The following ARIH2 variants were observed in gnomAD, a reference collection of about 807,000 sequenced individuals.
ARIH2 encodes ariadne RBR E3 ubiquitin protein ligase 2.
Under a neutral mutation model 79.8 loss-of-function variants are expected in ARIH2, and 12 were observed. The observed-to-expected ratio is 0.15, with a 90% CI of 0.10 to 0.24. The LOEUF (loss-of-function observed/expected upper bound fraction) is 0.24. Among genes scored for constraint, ARIH2 ranks in the 10% least tolerant of loss-of-function variants. ARIH2 has a pLI of 1.00. For synonymous variants in ARIH2, 224 were observed against 213.9 expected (o/e 1.05, Z -0.41); for missense variants, 301 against 618.3 (o/e 0.49, Z 5.44).
At chr3:48,962,148 G>A (rs1183654830) in intron 4 of ARIH2, among the ~76,000 whole-genome samples, 1 of 152,062 alleles carries the variant, frequency 6.6e-6, no homozygotes, top group South Asian at 2.1e-4. Flanking sequence ...AGGCTGAGGC[G>A]GGCGGATCAC....
At chr3:48,954,172 A>G (rs937543108) in intron 3 of ARIH2, among the ~76,000 whole-genome samples, 2 of 143,490 alleles carry the variant, frequency 1.4e-5, no homozygotes, top group Non-Finnish European at 3.1e-5. Context: ...AAAAAAAGAA[A>G]AGGCCGGGCT....
At chr3:48,934,304 A>T (rs529971815) in intron 3 of ARIH2, 1 of 755,280 alleles carries the variant, frequency 1.3e-6, no homozygotes. Context: ...AAGTTAAAAG[A>T]TAACAAGTAT....
chr3:48,968,906 T>C (rs2091983424), intron 7 of ARIH2, among the ~76,000 whole-genome samples: 1 of 152,176 alleles, frequency 6.6e-6, no homozygotes, highest in Admixed American at 6.5e-5. Context: ...TTTGCGTGTG[T>C]GACTGCCTTG....
At chr3:48,954,776 A>T (rs1433886168) in intron 3 of ARIH2, among the ~76,000 whole-genome samples, 2 of 152,222 alleles carry the variant, frequency 1.3e-5, no homozygotes, top group Non-Finnish European at 2.9e-5. Flanking sequence ...GGAACAATAG[A>T]TACCTTTTTT....
At chr3:48,974,052 C>G (rs1193739070) in intron 9 of ARIH2, among the ~76,000 whole-genome samples, 2 of 152,042 alleles carry the variant, frequency 1.3e-5, no homozygotes, top group Non-Finnish European at 2.9e-5. Flanking sequence ...AAAGGGGGAC[C>G]CAAAGGGGGA....
chr3:48,970,724 C>T lies in ARIH2; in HGVS notation c.770+20C>T. The T allele has an allele frequency of 4.4e-6, 7 of 1,575,268 alleles. No individual in the cohort carries two copies. Among genetic ancestry groups the T allele is most frequent in the Non-Finnish European group, 6.1e-6 (7 of 1,144,796 alleles). ...CTTCTGGTAAGAGTGAGTGTGAGTG[C>T]TGAGCAGCCCTGGGCTCATGCCCCA... is the stretch of plus-strand genomic sequence containing the variant. On this transcript the variant is annotated intron_variant, in intron 8 of 15. Coordinates refer to ENST00000356401, the MANE Select transcript of ARIH2 (RefSeq NM_006321.4).
Position 48,984,567 on chromosome 3 carries a change from G to A in ARIH2, c.*1297G>A, listed in dbSNP as rs1429824024. On this transcript the variant is annotated 3_prime_UTR_variant, in exon 16 of 16. Coordinates refer to ENST00000356401, the MANE Select transcript of ARIH2 (RefSeq NM_006321.4). ...CGCAAGGGAACAAGTGGTTTGCCTG[G>A]TGTCCTACCTGTCCTGAACCTGGTC... 1 of 152,198 alleles carries A rather than the reference G, an allele frequency of 6.6e-6. No individual in the cohort carries two copies. The highest frequency in any genetic ancestry group is 1.5e-5 in the Non-Finnish European group (1 of 68,072). 9.4% of individuals were successfully genotyped at this position (152,198 alleles called of 1,614,324 possible).
At chr3:48,959,917 TAGA>T (rs917998903) in intron 3 of ARIH2, among the ~76,000 whole-genome samples, 1 of 152,210 alleles carries the variant, frequency 6.6e-6, no homozygotes, top group Non-Finnish European at 1.5e-5. Flanking sequence ...ACTTGAGCGC[TAGA>T]AGGAGGGATC....
intron 4 of ARIH2, among the ~76,000 whole-genome samples, chr3:48,963,312 C>G (rs1454213891): frequency 2.0e-5 from 3 of 151,930 alleles, no homozygotes; most frequent in Non-Finnish European, 4.4e-5. Context: ...CTCTCACTGC[C>G]CACACTCTTT....
At chr3:48,942,564 C>T (rs1459906073) in intron 3 of ARIH2, among the ~76,000 whole-genome samples, 6 of 150,992 alleles carry the variant, frequency 4.0e-5, no homozygotes, top group Admixed American at 6.6e-5. Context: ...GTGCAACCTC[C>T]GCCTCCCCGG....
intron 3 of ARIH2, among the ~76,000 whole-genome samples, chr3:48,957,022 C>T (rs376576517): frequency 2.0e-5 from 3 of 152,122 alleles, no homozygotes; most frequent in South Asian, 4.2e-4. Flanking sequence ...CTATCCTATA[C>T]GTATTGATGT....
intron 3 of ARIH2, among the ~76,000 whole-genome samples, chr3:48,935,597 T>C (rs2086992594): frequency 6.6e-6 from 1 of 152,210 alleles, no homozygotes; most frequent in Admixed American, 6.5e-5. Context: ...CCATTTAATA[T>C]AATATGACCT....
At chr3:48,966,753 T>G (rs1004707479) in intron 5 of ARIH2, among the ~76,000 whole-genome samples, 3 of 152,192 alleles carry the variant, frequency 2.0e-5, no homozygotes, top group Non-Finnish European at 4.4e-5. Flanking sequence ...ACAGGGGTAG[T>G]CTACAAAAGA....
chr3:48,927,943 A>C (rs920865300), intron 3 of ARIH2, 130 bp downstream of exon 3: 8 of 1,121,020 alleles, frequency 7.1e-6, no homozygotes, highest in Non-Finnish European at 1.0e-5. Context: ...GTGTATGTCA[A>C]CATCATTTGG....
intron 6 of ARIH2, among the ~76,000 whole-genome samples, chr3:48,967,677 A>G (rs2091891963): frequency 6.6e-6 from 1 of 152,220 alleles, no homozygotes; most frequent in African/African-American, 2.4e-5. Context: ...CTGTGATTTG[A>G]TGATACTGAA....
chr3:48,964,781 CT>C, intron 4 of ARIH2, 137 bp from the exon 5 acceptor site: 1 of 589,740 alleles, frequency 1.7e-6, no homozygotes, highest in Non-Finnish European at 2.9e-6. Context: ...AGTCTTTGTA[CT>C]GAGATAAAAG....
At chr3:48,973,628 T>A in intron 8 of ARIH2, 71 bp from the exon 9 acceptor site, 1 of 1,158,654 alleles carries the variant, frequency 8.6e-7, no homozygotes, top group Non-Finnish European at 1.3e-6. Flanking sequence ...TTGGCTTGGA[T>A]AAAAGGAAAA....
chr3:48,966,028 C>T (rs1432858079), intron 5 of ARIH2, among the ~76,000 whole-genome samples: 1 of 152,094 alleles, frequency 6.6e-6, no homozygotes, highest in African/African-American at 2.4e-5. Context: ...GGAAACTCAC[C>T]TAATTATATC....
chr3:48,919,023 C>T, intron 1 of ARIH2, 25 bp downstream of exon 1: 3 of 1,387,604 alleles, frequency 2.2e-6, no homozygotes, highest in Non-Finnish European at 2.8e-6. Context: ...CACGTCACGG[C>T]CTTGTTTACC....
Sources: allele counts gnomAD v4.1 joint callset (sites outside exome capture counted in the v4.1 genomes callset), GRCh38; gene constraint gnomAD v4.1.1; transcripts MANE v1.5; gene names NCBI Gene and HGNC (gene_info 2026-07-23, HGNC 2026-07-21).